The following UGP2 variants were observed in gnomAD, a reference collection of about 807,000 sequenced individuals.
UGP2 encodes UTP--glucose-1-phosphate uridylyltransferase.
A neutral mutation model predicts 49.0 loss-of-function variants in UGP2; 40 were observed. The observed-to-expected ratio is 0.82, with a 90% CI of 0.63 to 1.06. The LOEUF (loss-of-function observed/expected upper bound fraction) is 1.06. UGP2 is among the 50% of genes least tolerant of loss of function. The pLI is 0.00. For missense variants in UGP2, 460 were observed against 603.5 expected (o/e 0.76, Z 2.49); for synonymous variants, 225 against 213.0 (o/e 1.06, Z -0.49).
chr2:63,882,060 A>G (rs950688108), intron 3 of UGP2, among the ~76,000 whole-genome samples: 1 of 152,258 alleles, frequency 6.6e-6, no homozygotes, highest in African/African-American at 2.4e-5. Context: ...CCAGAATTGA[A>G]GTAGAGCCAC....
intron 1 of UGP2, chr2:63,855,586 G>C (rs978619122): frequency 6.2e-5 from 21 of 337,848 alleles, no homozygotes; most frequent in Non-Finnish European, 1.0e-4. Context: ...CTGTCACCCA[G>C]GCTGGAGTGC....
At chr2:63,881,840 T>C (rs1398808676) in intron 3 of UGP2, among the ~76,000 whole-genome samples, 1 of 152,220 alleles carries the variant, frequency 6.6e-6, no homozygotes, top group African/African-American at 2.4e-5. Flanking sequence ...TTTTCCAGTA[T>C]TGGCTTTTAT....
intron 3 of UGP2, among the ~76,000 whole-genome samples, chr2:63,876,778 C>G (rs990014198): frequency 2.0e-5 from 3 of 152,202 alleles, no homozygotes; most frequent in African/African-American, 4.8e-5. Context: ...TTGCCAGGGC[C>G]TGTTCCCAGA....
At chr2:63,856,132 T>A in intron 1 of UGP2, 174 bp from the exon 2 acceptor site, 1 of 659,510 alleles carries the variant, frequency 1.5e-6, no homozygotes, top group Non-Finnish European at 2.4e-6. Context: ...AATATGAAAC[T>A]GGAGTGAAAC....
chr2:63,864,269 C>T (rs1670030774), intron 3 of UGP2, among the ~76,000 whole-genome samples: 1 of 152,152 alleles, frequency 6.6e-6, no homozygotes, highest in Non-Finnish European at 1.5e-5. Flanking sequence ...CAGAGTAAGT[C>T]ACCTAAGAGA....
chr2:63,857,314 A>G (rs1427227614), intron 2 of UGP2, among the ~76,000 whole-genome samples: 5 of 151,984 alleles, frequency 3.3e-5, no homozygotes, highest in Non-Finnish European at 7.4e-5. Flanking sequence ...AAAAAAAAAA[A>G]AAGTACAGAG....
chr2:63,862,828 C>A, intron 3 of UGP2: 1 of 455,410 alleles, frequency 2.2e-6, no homozygotes, highest in Non-Finnish European at 4.4e-6. Flanking sequence ...TCTGAAACTT[C>A]TTTTGCCCAC....
chr2:63,887,708 T>C lies in UGP2; in HGVS notation c.1314+64T>C. ...AATGTGTAATTATAAAGATATGATA[T>C]ACATGTGAATTGGAGACTAATTACA... On this transcript the variant is annotated intron_variant, in intron 8 of 9. Transcript: ENST00000337130. 2.5e-6 allele frequency: 4 copies of C among 1,576,670 alleles called. No individual in the cohort carries two copies. In the South Asian group the frequency reaches 4.7e-5, roughly 19 times the overall value.
chr2:63,871,606 C>G (rs1359523985), intron 3 of UGP2, among the ~76,000 whole-genome samples: 1 of 152,236 alleles, frequency 6.6e-6, no homozygotes, highest in African/African-American at 2.4e-5. Context: ...TTTTAAATCT[C>G]AAGTTTTCTT....
rs554985378 is a variant in UGP2 at position 63,873,808 on chromosome 2, G to A, written c.256-8658G>A. Among the ~76,000 whole-genome samples the A allele has an allele frequency of 4.6e-5, 7 of 152,248 alleles. No individual in the cohort carries two copies. In the East Asian group the frequency reaches 1.2e-3, roughly 25 times the overall value. On this transcript the variant is annotated intron_variant, in intron 3 of 9. Coordinates refer to ENST00000337130, the MANE Select transcript of UGP2 (RefSeq NM_006759.4). ...GCTTAGGATTAGATTCAGCTACATA[G>A]GATAGAGAAACCCAGAATAACACAG... is the stretch of plus-strand genomic sequence containing the variant.
chr2:63,863,032 C>CT lies in UGP2; in HGVS notation c.255+5097dup, dbSNP rs1323162588. On this transcript the variant is annotated intron_variant, in intron 3 of 9. Coordinates refer to ENST00000337130, the MANE Select transcript of UGP2 (RefSeq NM_006759.4). ...ACTAAAGTGGAGTGTTCTTTTAAAA[C>CT]TATCTTCTTAGCTGATAAGGATATG... 13 of 331,754 alleles carry CT rather than the reference C, an allele frequency of 3.9e-5. No individual in the cohort carries two copies. The Admixed American group carries it at 5.5e-4, about 14-fold the overall frequency. 20.6% of individuals were successfully genotyped at this position (331,754 alleles called of 1,614,324 possible). A position where few individuals can be genotyped will look rare whatever the true frequency, so the allele number is the denominator to read the frequency against.
chr2:63,874,416 TAGC>T (rs1357282314), intron 3 of UGP2, among the ~76,000 whole-genome samples: 1 of 152,202 alleles, frequency 6.6e-6, no homozygotes, highest in Non-Finnish European at 1.5e-5. Context: ...GCTTCTGTCT[TAGC>T]AGCCGAGTAT....
chr2:63,870,919 G>A (rs1670505609), intron 3 of UGP2, among the ~76,000 whole-genome samples: 1 of 152,178 alleles, frequency 6.6e-6, no homozygotes, highest in South Asian at 2.1e-4. Context: ...CTAGGGCTGA[G>A]GGTCACAAAT....
Position 63,891,420 on chromosome 2 carries a change from A to C in UGP2, c.*193A>C, listed in dbSNP as rs1175576805. 1 of 398,922 alleles carries C rather than the reference A, an allele frequency of 2.5e-6. No individual in the cohort carries two copies. Among genetic ancestry groups the C allele is most frequent in the Non-Finnish European group, 4.4e-6 (1 of 227,910 alleles). 24.7% of individuals were successfully genotyped at this position (398,922 alleles called of 1,614,324 possible). A position where few individuals can be genotyped will look rare whatever the true frequency, so the allele number is the denominator to read the frequency against. ...GGAGCAATACTTTCCTTCTTTGAAG[A>C]GAATCCCAAAAGTTAGTTCATCTTA... On this transcript the variant is annotated 3_prime_UTR_variant, in exon 10 of 10. Transcript: ENST00000337130.
chr2:63,870,255 G>A (rs1182116490), intron 3 of UGP2, among the ~76,000 whole-genome samples: 1 of 152,066 alleles, frequency 6.6e-6, no homozygotes, highest in Non-Finnish European at 1.5e-5. Context: ...CAAAGATTTG[G>A]GAGTTAATAG....
intron 3 of UGP2, chr2:63,863,034 A>G (rs1669954826): frequency 6.0e-6 from 2 of 332,802 alleles, no homozygotes; most frequent in South Asian, 4.9e-5. Flanking sequence ...TTTTAAAACT[A>G]TCTTCTTAGC....
intron 8 of UGP2, chr2:63,889,283 A>ATAGGATTTGAGTTTTTGTTTTTT (rs1558966012): frequency 2.6e-5 from 4 of 152,228 alleles, no homozygotes; most frequent in African/African-American, 9.6e-5. Context: ...AGAAAGGAAT[A>ATAGGATTTGAGTTTTTGTTTTTT]TAGGATTTGA....
Position 63,887,606 on chromosome 2 carries a change from A to G in UGP2, c.1276A>G (p.Thr426Ala). The G allele has an allele frequency of 1.2e-6, 2 of 1,614,176 alleles. No homozygotes were observed. The highest frequency in any genetic ancestry group is 1.7e-6 in the Non-Finnish European group (2 of 1,180,012). ...LTMSEKREFP[T>A]VPLVKLGSSF... Reference sequence around the variant, plus strand: ...AATGAGTGAAAAGCGGGAATTTCCTACAGTGCCCTTGGTTAAATTAGGCAG... The same window carrying G: ...AATGAGTGAAAAGCGGGAATTTCCTGCAGTGCCCTTGGTTAAATTAGGCAG... The change falls in exon 8 of 10, where the codon ACA becomes GCA. Residue 426 changes from threonine (T) to alanine (A), a missense_variant. This residue lies in a region of UGP2 where 317 missense variants were observed against 473.0 expected (regional missense o/e 0.67). Coordinates refer to ENST00000337130, the MANE Select transcript of UGP2 (RefSeq NM_006759.4).
intron 3 of UGP2, among the ~76,000 whole-genome samples, chr2:63,879,462 G>A (rs1266915717): frequency 6.6e-6 from 1 of 152,032 alleles, no homozygotes; most frequent in African/African-American, 2.4e-5. Flanking sequence ...ACCTCTATTT[G>A]AAATAGAATA....
Sources: allele counts gnomAD v4.1 joint callset (sites outside exome capture counted in the v4.1 genomes callset), GRCh38; gene constraint gnomAD v4.1.1; regional missense constraint gnomAD v4.1.1; transcripts MANE v1.5; gene names NCBI Gene and HGNC (gene_info 2026-07-23, HGNC 2026-07-21).